The following SPIDR variants were observed in gnomAD, a reference collection of about 807,000 sequenced individuals.
SPIDR encodes DNA repair-scaffolding protein.
In SPIDR, 93 loss-of-function variants were observed where a neutral mutation model predicts 104.6. The observed-to-expected ratio is 0.89, with a 90% CI of 0.75 to 1.06. SPIDR has a LOEUF of 1.06. SPIDR is among the 50% of genes least tolerant of loss of function. SPIDR has a pLI of 0.00. For missense variants in SPIDR, 1,154 were observed against 1,111.2 expected, an observed-to-expected ratio of 1.04 and a Z score of -0.55; for synonymous variants, 431 against 416.9, an observed-to-expected ratio of 1.03 and a Z score of -0.41.
At chr8:47,281,690 C>T (rs2037810028) in intron 2 of SPIDR, among the ~76,000 whole-genome samples, 1 of 152,212 alleles carries the variant, frequency 6.6e-6, no homozygotes, top group Non-Finnish European at 1.5e-5. Flanking sequence ...ATCAGTTTTT[C>T]TGCTGAAGTC....
chr8:47,707,717 G>A (rs2081286942), intron 14 of SPIDR, among the ~76,000 whole-genome samples: 2 of 152,132 alleles, frequency 1.3e-5, no homozygotes, highest in African/African-American at 4.8e-5. Context: ...TTTTCCAGAA[G>A]ATTTAATTTT....
rs587776165 is a variant in SPIDR, at chr8:47,308,372, T to G, written c.525+14342T>G. ...GCTACCATGCCCGGCCTGCTGTTTT[T>G]TTTTTTTTTTTCTAATGTTACTGTT... On this transcript the variant is annotated intron_variant, in intron 5 of 19. Transcript: ENST00000297423. Among the ~76,000 whole-genome samples the G allele has an allele frequency of 1.4e-3, 207 of 151,732 alleles. 5 individuals carry two copies. The highest frequency in any genetic ancestry group is 7.5e-3 in the South Asian group (36 of 4,798).
chr8:47,511,059 A>G (rs1181472759), intron 8 of SPIDR: 3 of 941,892 alleles, frequency 3.2e-6, no homozygotes, highest in East Asian at 4.8e-5. Flanking sequence ...TGATGGCAGC[A>G]TTGAGCAGGT....
intron 8 of SPIDR, among the ~76,000 whole-genome samples, chr8:47,590,109 G>A (rs2060814141): frequency 1.3e-5 from 2 of 151,218 alleles, no homozygotes; most frequent in Admixed American, 1.3e-4. Flanking sequence ...AGGTAGCGGA[G>A]ATTGCAGTGA....
intron 10 of SPIDR, among the ~76,000 whole-genome samples, chr8:47,653,361 A>C (rs1438472136): frequency 1.3e-5 from 2 of 152,190 alleles, no homozygotes; most frequent in Non-Finnish European, 2.9e-5. Context: ...GAAAGTAGGA[A>C]TACCAAATGG....
chr8:47,296,862 T>TC (rs2040935762), intron 5 of SPIDR, among the ~76,000 whole-genome samples: 1 of 152,214 alleles, frequency 6.6e-6, no homozygotes, highest in Non-Finnish European at 1.5e-5. Context: ...ATTCTTGCAT[T>TC]CCATGAATAT....
intron 7 of SPIDR, among the ~76,000 whole-genome samples, chr8:47,431,843 T>C (rs1201728978): frequency 6.6e-6 from 1 of 152,242 alleles, no homozygotes; most frequent in African/African-American, 2.4e-5. Flanking sequence ...AATGTGTCTA[T>C]TCATCATTGC....
intron 8 of SPIDR, among the ~76,000 whole-genome samples, chr8:47,585,151 GC>G (rs1475916944): frequency 1.3e-5 from 2 of 152,176 alleles, no homozygotes; most frequent in African/African-American, 2.4e-5. Context: ...GGCAAGTTGA[GC>G]CCAGAACATA....
At chr8:47,710,617 T>G (rs1347854017) in intron 14 of SPIDR, among the ~76,000 whole-genome samples, 1 of 151,812 alleles carries the variant, frequency 6.6e-6, no homozygotes, top group Non-Finnish European at 1.5e-5. Context: ...TACATCCATG[T>G]GCCTCCACGC....
intron 10 of SPIDR, among the ~76,000 whole-genome samples, chr8:47,653,075 A>G (rs1046606623): frequency 6.6e-6 from 1 of 152,156 alleles, no homozygotes; most frequent in African/African-American, 2.4e-5. Flanking sequence ...TCCATGACTG[A>G]TGCCACTCAC....
In SPIDR at chr8:47,624,337, A is replaced by C. The variant is rs537481333; in HGVS notation, c.1544+25141A>C. On this transcript the variant is annotated intron_variant, in intron 10 of 19. Transcript: ENST00000297423. ...TCACAATTAAAAGAACTAGAAAAGC[A>C]AGAGCAAACACATTCAAAAGCTAGC... Among the ~76,000 whole-genome samples, 12 of 152,350 alleles carry C rather than the reference A, an allele frequency of 7.9e-5. No individual in the cohort carries two copies. The Middle Eastern group carries it at 0.01, about 130-fold the overall frequency.
At chr8:47,431,147 G>T (rs1163564695) in intron 7 of SPIDR, among the ~76,000 whole-genome samples, 3 of 152,182 alleles carry the variant, frequency 2.0e-5, no homozygotes, top group Non-Finnish European at 4.4e-5. Flanking sequence ...CTGGTTTTAG[G>T]CAGTCGCCTT....
At chr8:47,585,346 CAT>C (rs2060151447) in intron 8 of SPIDR, among the ~76,000 whole-genome samples, 1 of 152,110 alleles carries the variant, frequency 6.6e-6, no homozygotes, top group Non-Finnish European at 1.5e-5. Context: ...CTGGAAAACT[CAT>C]GAACATAAAA....
At chr8:47,546,342 A>AT (rs2089371594) in intron 8 of SPIDR, among the ~76,000 whole-genome samples, 1 of 152,030 alleles carries the variant, frequency 6.6e-6, no homozygotes, top group Admixed American at 6.5e-5. Flanking sequence ...GGTAGTTTGT[A>AT]TTTTTTCAAG....
At chr8:47,472,872 G>A (rs1216902088) in intron 8 of SPIDR, among the ~76,000 whole-genome samples, 2 of 152,142 alleles carry the variant, frequency 1.3e-5, no homozygotes, top group African/African-American at 4.8e-5. Flanking sequence ...CCTCTCAATG[G>A]GTCCATTTTT....
intron 3 of SPIDR, among the ~76,000 whole-genome samples, chr8:47,285,033 T>G (rs2038560573): frequency 6.6e-6 from 1 of 152,222 alleles, no homozygotes; most frequent in Non-Finnish European, 1.5e-5. Flanking sequence ...AGCTAAACAT[T>G]CGCAGTCTGT....
chr8:47,325,816 AAATGCCTCTGC>A (rs1442404106), intron 5 of SPIDR, among the ~76,000 whole-genome samples: 1 of 152,116 alleles, frequency 6.6e-6, no homozygotes, highest in East Asian at 1.9e-4. Flanking sequence ...TGTTTTCCCC[AAATGCCTCTGC>A]AATGACTAGG....
chr8:47,632,080 A>G (rs1467916897), intron 10 of SPIDR, among the ~76,000 whole-genome samples: 5 of 152,174 alleles, frequency 3.3e-5, no homozygotes, highest in African/African-American at 7.2e-5. Flanking sequence ...GGAATGGACT[A>G]TTTTTAGAGA....
At chr8:47,587,224 G>A (rs1421564948) in intron 8 of SPIDR, among the ~76,000 whole-genome samples, 1 of 152,050 alleles carries the variant, frequency 6.6e-6, no homozygotes. Context: ...GAGTTAAATG[G>A]TATATAAGTT....
Sources: allele counts gnomAD v4.1 joint callset (sites outside exome capture counted in the v4.1 genomes callset), GRCh38; gene constraint gnomAD v4.1.1; transcripts MANE v1.5; gene names NCBI Gene and HGNC (gene_info 2026-07-23, HGNC 2026-07-21).